CLDN16: variants seen among roughly 807,000 people sequenced by gnomAD.
CLDN16 encodes claudin-16.
CLDN16 carries 13 observed loss-of-function variants against 24.6 expected under a neutral mutation model. The ratio of observed to expected loss-of-function variants is 0.53; its 90% confidence interval spans 0.34 to 0.84. CLDN16 has a LOEUF of 0.84. Ranked by LOEUF, CLDN16 falls within the 40% of genes least tolerant of loss-of-function variation. The pLI is 0.01. For missense variants in CLDN16, 298 were observed against 292.7 expected (o/e 1.02, Z -0.13); for synonymous variants, 116 against 106.7 (o/e 1.09, Z -0.54).
At chr3:190,400,151 G>A (rs1042951403) in intron 1 of CLDN16, among the ~76,000 whole-genome samples, 1 of 152,002 alleles carries the variant, frequency 6.6e-6, no homozygotes, top group African/African-American at 2.4e-5. Flanking sequence ...CTGCAATTTT[G>A]TATCTCTTAA....
At chr3:190,337,588 A>G (rs1717339677) in intron 1 of CLDN16, among the ~76,000 whole-genome samples, 2 of 152,212 alleles carry the variant, frequency 1.3e-5, no homozygotes, top group South Asian at 2.1e-4. Context: ...CAACCAACAC[A>G]TTTCTGTGCT....
At chr3:190,368,793 A>G (rs1476093453) in intron 1 of CLDN16, among the ~76,000 whole-genome samples, 1 of 151,928 alleles carries the variant, frequency 6.6e-6, no homozygotes, top group Non-Finnish European at 1.5e-5. Context: ...ATAATTGGTT[A>G]CAAATGCTTA....
chr3:190,325,902 T>C (rs967256357), intron 1 of CLDN16, among the ~76,000 whole-genome samples: 11 of 152,212 alleles, frequency 7.2e-5, no homozygotes, highest in African/African-American at 2.4e-4. Flanking sequence ...AAATATTGTA[T>C]AAATTTAACA....
At chr3:190,314,888 TCA>T in the CLDN16 span, among the ~76,000 whole-genome samples, 3 of 152,098 alleles carry the variant, frequency 2.0e-5, no homozygotes, top group Admixed American at 2.0e-4. Context: ...CACACTTATC[TCA>T]AGATTCCAGG....
upstream of CLDN16, among the ~76,000 whole-genome samples, chr3:190,386,104 T>G (rs1429427929): frequency 6.6e-6 from 1 of 152,140 alleles, no homozygotes; most frequent in African/African-American, 2.4e-5. Context: ...GGACTTTTCC[T>G]GCAAAGGGCA....
intron 2 of CLDN16, chr3:190,371,016 TTATATATA>T (rs141854157): frequency 2.9e-4 from 4 of 13,860 alleles, no homozygotes; most frequent in East Asian, 2.5e-3. Flanking sequence ...GTTAATACCT[TTATATATA>T]TATATATATA....
At chr3:190,351,876 T>C (rs949934566) in intron 1 of CLDN16, among the ~76,000 whole-genome samples, 3 of 152,150 alleles carry the variant, frequency 2.0e-5, no homozygotes, top group African/African-American at 7.2e-5. Flanking sequence ...TTATATTCTC[T>C]TTTAATTGTG....
chr3:190,389,657 T>TTGAACTA (rs59146156), intron 1 of CLDN16, among the ~76,000 whole-genome samples: 22,164 of 152,200 alleles, frequency 0.15, 2,009 homozygotes, highest in Non-Finnish European at 0.2. Flanking sequence ...GTAAAGGATG[T>TTGAACTA]CTGCTATAAG....
chr3:190,403,317 G>A (rs1719009023), intron 2 of CLDN16, among the ~76,000 whole-genome samples: 1 of 152,092 alleles, frequency 6.6e-6, no homozygotes, highest in Admixed American at 6.6e-5. Flanking sequence ...GGGAGACAGA[G>A]CAAGACTTCA....
intron 3 of CLDN16, 75 bp downstream of exon 3, chr3:190,405,001 C>A: frequency 6.9e-7 from 1 of 1,441,194 alleles, no homozygotes; most frequent in Non-Finnish European, 9.8e-7. Context: ...GAGAGTTGTG[C>A]TGAAGCTGCT....
At chr3:190,352,317 C>T (rs1717687161) in intron 1 of CLDN16, among the ~76,000 whole-genome samples, 2 of 151,814 alleles carry the variant, frequency 1.3e-5, no homozygotes, top group African/African-American at 4.8e-5. Context: ...CATATAAATT[C>T]TCAGTAAATA....
At chr3:190,332,534 G>T (rs1419358183) in intron 1 of CLDN16, among the ~76,000 whole-genome samples, 5 of 152,178 alleles carry the variant, frequency 3.3e-5, no homozygotes, top group Admixed American at 1.3e-4. Flanking sequence ...ACTCACCTGT[G>T]CAATTTCTAA....
intron 1 of CLDN16, among the ~76,000 whole-genome samples, chr3:190,368,800 C>G (rs1442968351): frequency 1.3e-5 from 2 of 151,922 alleles, no homozygotes; most frequent in Admixed American, 6.6e-5. Flanking sequence ...GTTACAAATG[C>G]TTACAATTCC....
At chr3:190,300,028 C>G in the CLDN16 span, among the ~76,000 whole-genome samples, 2 of 152,184 alleles carry the variant, frequency 1.3e-5, no homozygotes, top group African/African-American at 4.8e-5. Context: ...CATCTGTCTA[C>G]TACCTACCTT....
the CLDN16 span, chr3:190,307,405 G>C: frequency 6.6e-6 from 1 of 152,252 alleles, no homozygotes; most frequent in East Asian, 1.9e-4. Flanking sequence ...ACAACACCTG[G>C]GGGAACAGCA....
At chr3:190,298,350 C>CACACACACAG in the CLDN16 span, among the ~76,000 whole-genome samples, 2 of 108,330 alleles carry the variant, frequency 1.8e-5, no homozygotes, top group East Asian at 5.1e-4. Context: ...GTATATTATA[C>CACACACACAG]ACACACACAC....
At chr3:190,356,877 T>A (rs1021540460) in intron 1 of CLDN16, among the ~76,000 whole-genome samples, 1 of 151,902 alleles carries the variant, frequency 6.6e-6, no homozygotes, top group Non-Finnish European at 1.5e-5. Context: ...TTATGTAATA[T>A]TGCCTTCAAA....
At chr3:190,372,481 C>G (rs978313680) in intron 2 of CLDN16, among the ~76,000 whole-genome samples, 1 of 151,684 alleles carries the variant, frequency 6.6e-6, no homozygotes, top group East Asian at 2.0e-4. Context: ...CCTTCCCCCC[C>G]AAAATAAAAA....
upstream of CLDN16, among the ~76,000 whole-genome samples, chr3:190,383,269 TG>T (rs1259574496): frequency 6.6e-6 from 1 of 152,146 alleles, no homozygotes; most frequent in Non-Finnish European, 1.5e-5. Flanking sequence ...ACCACTTTTA[TG>T]TCACCACGGA....
Sources: gnomAD v4.1 joint callset for allele counts (sites outside exome capture counted in the v4.1 genomes callset) on GRCh38, gnomAD v4.1.1 for gene constraint, MANE v1.5 for transcripts, NCBI Gene and HGNC (gene_info 2026-07-23, HGNC 2026-07-21) for gene names.